The following ADGRV1 variants were observed in gnomAD, a reference collection of about 807,000 sequenced individuals.
ADGRV1 encodes the protein adhesion G protein-coupled receptor V1.
In ADGRV1, 359 loss-of-function variants were observed where a neutral mutation model predicts 596.2. The observed-to-expected ratio is 0.60, with a 90% CI of 0.55 to 0.66. ADGRV1 has a LOEUF of 0.66. Ranked by LOEUF, ADGRV1 falls within the 30% of genes least tolerant of loss-of-function variation. ADGRV1 has a pLI of 0.00. For synonymous variants in ADGRV1, 2,681 were observed against 2,679.2 expected (o/e 1.00, Z -0.02); for missense variants, 7,274 against 7,575.6 (o/e 0.96, Z 1.48).
chr5:91,123,019 A>G (rs1051916427), intron 87 of ADGRV1, among the ~76,000 whole-genome samples: 3 of 152,158 alleles, frequency 2.0e-5, no homozygotes, highest in Non-Finnish European at 4.4e-5. Context: ...TTTCCATGGC[A>G]TTAGGAAGCA....
chr5:90,730,632 G>A (rs970289730), intron 50 of ADGRV1, among the ~76,000 whole-genome samples: 1 of 152,166 alleles, frequency 6.6e-6, no homozygotes, highest in East Asian at 1.9e-4. Flanking sequence ...AGAACCCAAG[G>A]TATTATTGCT....
At chr5:90,789,598 G>A (rs1460799681) in intron 68 of ADGRV1, 104 bp from the exon 69 acceptor site, 1 of 692,618 alleles carries the variant, frequency 1.4e-6, no homozygotes, top group East Asian at 2.9e-5. Context: ...TCATTTTTAT[G>A]TTTCTTTCAT....
At chr5:90,701,164 C>T (rs575880952) in intron 34 of ADGRV1, among the ~76,000 whole-genome samples, 2 of 152,060 alleles carry the variant, frequency 1.3e-5, no homozygotes, top group African/African-American at 4.8e-5. Flanking sequence ...AAGGGTTGTT[C>T]TGCCTTTCAT....
Position 90,716,731 on chromosome 5 carries a change from T to C in ADGRV1, c.9447+2T>C. 6.2e-7 allele frequency: 1 copy of C among 1,607,734 alleles called. No individual in the cohort carries two copies. The highest frequency in any genetic ancestry group is 8.5e-7 in the Non-Finnish European group (1 of 1,175,210). On this transcript the variant is annotated splice_donor_variant, in intron 43 of 89. Transcript: ENST00000405460. LOFTEE classifies it high-confidence loss of function. The stretch of plus-strand genomic sequence containing the variant: ...TTAGAAGAAGGTGTTCGATTCAAGG[T>C]ACAGTAAGAAGCTTTAATGAGAATG...
chr5:90,977,489 A>G (rs942321988), intron 84 of ADGRV1, among the ~76,000 whole-genome samples: 4 of 152,208 alleles, frequency 2.6e-5, no homozygotes, highest in Non-Finnish European at 1.5e-5. Flanking sequence ...TGGAGTTCAA[A>G]TAGCCTATTT....
At chr5:90,718,703 T>C (rs1750486826) in intron 43 of ADGRV1, among the ~76,000 whole-genome samples, 1 of 152,074 alleles carries the variant, frequency 6.6e-6, no homozygotes, top group South Asian at 2.1e-4. Context: ...GAAATATATA[T>C]ATAAAAATTC....
rs2149995743 is a variant in ADGRV1, at chr5:90,759,608, G to A, written c.12120+20G>A. 1 of 1,600,006 alleles carries A rather than the reference G, an allele frequency of 6.2e-7. No individual in the cohort carries two copies. Among genetic ancestry groups the A allele is most frequent in the Non-Finnish European group, 8.6e-7 (1 of 1,168,204 alleles). On this transcript the variant is annotated intron_variant, in intron 58 of 89. Transcript: ENST00000405460. Reference sequence around the variant, plus strand: ...AAGACTGTAAGTTAAACATATCAGGGGAAAGCCTTGTTTCAGGCTAGCGTT... The same window carrying A: ...AAGACTGTAAGTTAAACATATCAGGAGAAAGCCTTGTTTCAGGCTAGCGTT...
intron 1 of ADGRV1, among the ~76,000 whole-genome samples, chr5:90,568,769 T>C (rs1030910503): frequency 6.6e-6 from 1 of 152,212 alleles, no homozygotes; most frequent in Non-Finnish European, 1.5e-5. Flanking sequence ...TGGTCAGTTT[T>C]TAATTCATGT....
chr5:90,835,605 T>C (rs1468710145), intron 77 of ADGRV1, among the ~76,000 whole-genome samples: 1 of 152,032 alleles, frequency 6.6e-6, no homozygotes, highest in Non-Finnish European at 1.5e-5. Context: ...TTGAAAGAAC[T>C]GAGAAAGAAA....
intron 87 of ADGRV1, among the ~76,000 whole-genome samples, chr5:91,131,080 A>G (rs764854516): frequency 6.6e-6 from 1 of 152,266 alleles, no homozygotes; most frequent in Non-Finnish European, 1.5e-5. Flanking sequence ...TGATAATAAT[A>G]TGAATGCAGA....
intron 85 of ADGRV1, among the ~76,000 whole-genome samples, chr5:91,035,844 G>GTGTATA (rs1444001674): frequency 1.2e-4 from 4 of 34,738 alleles, no homozygotes; most frequent in Non-Finnish European, 2.6e-4. Context: ...AAATGAGTGT[G>GTGTATA]TATATATATA....
At chr5:91,077,268 G>A (rs2126473380) in intron 86 of ADGRV1, among the ~76,000 whole-genome samples, 1 of 152,286 alleles carries the variant, frequency 6.6e-6, no homozygotes, top group African/African-American at 2.4e-5. Context: ...GGGTCCAGAA[G>A]CAGGTAGATG....
chr5:90,837,422 G>A (rs1327385859), intron 77 of ADGRV1, among the ~76,000 whole-genome samples: 1 of 148,864 alleles, frequency 6.7e-6, no homozygotes, highest in Non-Finnish European at 1.5e-5. Context: ...CCTGGCTGGA[G>A]TGCAATGGTG....
rs185207694 is a variant in ADGRV1, at chr5:90,613,664, C to T, written c.23-1171C>T. On this transcript the variant is annotated intron_variant, in intron 1 of 89. Transcript: ENST00000405460. ...CCCTTTCCTGGACTCCATTTGAACT[C>T]GGCATCCCTGTCTGGATTTTAGAGT... is the stretch of plus-strand genomic sequence containing the variant. Among the ~76,000 whole-genome samples, 97 of 152,210 alleles carry T rather than the reference C, an allele frequency of 6.4e-4. 2 individuals are homozygous for T. The highest frequency in any genetic ancestry group is 6.4e-3 in the Admixed American group (97 of 15,250).
chr5:90,617,250 A>G (rs1378517156), intron 2 of ADGRV1: 3 of 151,986 alleles, frequency 2.0e-5, no homozygotes, highest in Non-Finnish European at 4.4e-5. Flanking sequence ...TTCTTTTTCT[A>G]TGTAATATTT....
intron 1 of ADGRV1, among the ~76,000 whole-genome samples, chr5:90,563,301 C>T (rs1755107779): frequency 6.6e-6 from 1 of 152,240 alleles, no homozygotes. Flanking sequence ...TTATAATTTG[C>T]TGCTCTGTCT....
chr5:90,681,184 C>G, intron 26 of ADGRV1, 131 bp from the exon 27 acceptor site: 2 of 998,966 alleles, frequency 2.0e-6, no homozygotes, highest in Non-Finnish European at 2.9e-6. Context: ...GCCTTTCTTT[C>G]TAAAACAAAT....
chr5:90,960,389 A>G (rs982984016), intron 83 of ADGRV1, among the ~76,000 whole-genome samples: 4 of 152,164 alleles, frequency 2.6e-5, no homozygotes, highest in African/African-American at 9.7e-5. Context: ...ACTATGTTCA[A>G]ACTCGATAGA....
chr5:90,666,034 G>A (rs1343736421), intron 21 of ADGRV1, among the ~76,000 whole-genome samples: 5 of 151,664 alleles, frequency 3.3e-5, no homozygotes, highest in African/African-American at 1.2e-4. Context: ...TTACTTCCAA[G>A]TACGTGGTCA....
Sources: gnomAD v4.1 joint callset for allele counts (sites outside exome capture counted in the v4.1 genomes callset) on GRCh38, gnomAD v4.1.1 for gene constraint, MANE v1.5 for transcripts, NCBI Gene and HGNC (gene_info 2026-07-23, HGNC 2026-07-21) for gene names.